Variants in DNASE1L3 observed in about 807,000 individuals in gnomAD.
DNASE1L3 encodes deoxyribonuclease 1L3, also known as deoxyribonuclease gamma.
Under a neutral mutation model 30.9 loss-of-function variants are expected in DNASE1L3, and 27 were observed. The observed-to-expected ratio is 0.87, with a 90% CI of 0.64 to 1.20. The LOEUF (loss-of-function observed/expected upper bound fraction) is 1.20, where lower values mean the gene tolerates loss of function less well. Among genes scored for constraint, DNASE1L3 ranks in the 50% most tolerant of loss-of-function variants. DNASE1L3 has a pLI of 0.00. For synonymous variants in DNASE1L3, 135 were observed against 138.0 expected, an observed-to-expected ratio of 0.98 and a Z score of 0.15; for missense variants, 364 against 378.2, an observed-to-expected ratio of 0.96 and a Z score of 0.31.
chr3:58,201,666 T>C (rs1382375091), intron 4 of DNASE1L3, among the ~76,000 whole-genome samples: 1 of 152,206 alleles, frequency 6.6e-6, no homozygotes, highest in African/African-American at 2.4e-5. Flanking sequence ...TTTCCTTTGT[T>C]CTCCCTTGCC....
rs774518219 is a variant in DNASE1L3, at chr3:58,208,247, G to A, written c.201C>T (p.Ile67=). ...TCAGCTTCTCCATCAGTATGGGGCA[G>A]ATCCTGTTGTTGCTGTCCTTGATTT... is the stretch of plus-strand genomic sequence containing the variant. ...VMEIKDSNNR[I]CPILMEKLNR... The change falls in exon 2 of 8, where the codon ATC becomes ATT. Residue 67 remains isoleucine, a synonymous_variant. Coordinates refer to ENST00000394549, the MANE Select transcript of DNASE1L3 (RefSeq NM_004944.4). 1 of 1,614,212 alleles carries A rather than the reference G, an allele frequency of 6.2e-7. No homozygotes were observed. The highest frequency in any genetic ancestry group is 2.2e-5 in the East Asian group (1 of 44,892).
At chr3:58,196,271 A>G (rs895839645) in intron 6 of DNASE1L3, among the ~76,000 whole-genome samples, 1 of 151,904 alleles carries the variant, frequency 6.6e-6, no homozygotes, top group Non-Finnish European at 1.5e-5. Flanking sequence ...CAGGCCGGGC[A>G]TGGTGGCTCA....
chr3:58,193,332 G>C lies in DNASE1L3; in HGVS notation c.801+11C>G. On this transcript the variant is annotated intron_variant, in intron 7 of 7. Coordinates refer to ENST00000394549, the MANE Select transcript of DNASE1L3 (RefSeq NM_004944.4). Reference sequence around the variant, plus strand: ...GGACAATGGCATAGAAAGACAAGATGGCAACCTTACCTCCTCTTCAGTCAG... The same window carrying C: ...GGACAATGGCATAGAAAGACAAGATCGCAACCTTACCTCCTCTTCAGTCAG... 1 of 1,613,474 alleles carries C rather than the reference G, an allele frequency of 6.2e-7. No homozygotes were observed. Among genetic ancestry groups the C allele is most frequent in the Non-Finnish European group, 8.5e-7 (1 of 1,179,540 alleles).
chr3:58,197,596 G>A lies in DNASE1L3; in HGVS notation c.704+225C>T, dbSNP rs1404374631. Among the ~76,000 whole-genome samples, 4 of 152,196 alleles carry A rather than the reference G, an allele frequency of 2.6e-5. No individual in the cohort carries two copies. The East Asian group carries it at 7.7e-4, about 29-fold the overall frequency. ...GCCTCCTGAGTAGCTGGGAGTATAG[G>A]TGTGTGCCACCATGCCTGGCTAATT... On this transcript the variant is annotated intron_variant, in intron 6 of 7. Transcript: ENST00000394549. The surrounding 1 kb of genome is among the most constrained non-coding windows in gnomAD (Gnocchi z 5.3).
At chr3:58,194,314 C>T (rs1052695461) in intron 6 of DNASE1L3, among the ~76,000 whole-genome samples, 6 of 89,064 alleles carry the variant, frequency 6.7e-5, no homozygotes, top group South Asian at 4.3e-4. Context: ...GCACAACTAA[C>T]TTTTTTTTTT....
intron 7 of DNASE1L3, 184 bp downstream of exon 7, chr3:58,193,159 C>A (rs1559754305): frequency 6.9e-7 from 1 of 1,439,354 alleles, no homozygotes; most frequent in Non-Finnish European, 9.1e-7. Context: ...TCACTGCAAC[C>A]TCCGCTTCCT....
intron 1 of DNASE1L3, among the ~76,000 whole-genome samples, chr3:58,208,881 G>A (rs893510315): frequency 6.6e-6 from 1 of 152,128 alleles, no homozygotes; most frequent in Non-Finnish European, 1.5e-5. Context: ...AGCCAGGATA[G>A]GTGGTAGAGT....
intron 2 of DNASE1L3, among the ~76,000 whole-genome samples, 166 bp from the exon 3 acceptor site, chr3:58,205,726 G>A (rs556788798): frequency 6.6e-6 from 1 of 152,242 alleles, no homozygotes; most frequent in African/African-American, 2.4e-5. Flanking sequence ...TTGATTGGCT[G>A]GAATGTGGCA....
chr3:58,193,075 C>CTTTTTT, intron 7 of DNASE1L3: 8 of 1,272,872 alleles, frequency 6.3e-6, no homozygotes, highest in South Asian at 2.2e-5. Context: ...ATCAACCCAT[C>CTTTTTT]TTTTTTTTTT....
chr3:58,210,623 G>A (rs1467364158), intron 1 of DNASE1L3, 143 bp downstream of exon 1: 9 of 1,259,266 alleles, frequency 7.1e-6, no homozygotes, highest in Middle Eastern at 2.5e-4. Flanking sequence ...GAGGTACAGA[G>A]AGTTGAAGTG....
In DNASE1L3 at chr3:58,197,049, G is replaced by A. The variant is rs2097397880; in HGVS notation, c.704+772C>T. Among the ~76,000 whole-genome samples the A allele has an allele frequency of 6.6e-6, 1 of 152,184 alleles. No individual in the cohort carries two copies. Among genetic ancestry groups the A allele is most frequent in the Non-Finnish European group, 1.5e-5 (1 of 68,044 alleles). On this transcript the variant is annotated intron_variant, in intron 6 of 7. Transcript: ENST00000394549. The surrounding 1 kb of genome is among the most constrained non-coding windows in gnomAD (Gnocchi z 5.3). Reference sequence around the variant, plus strand: ...ACCCAATGCCTAATGATGGGGATTGGGCGCATCAATTGCGGTAAGTCTTTG... The same window carrying A: ...ACCCAATGCCTAATGATGGGGATTGAGCGCATCAATTGCGGTAAGTCTTTG...
In DNASE1L3 at chr3:58,197,602, G is replaced by A. The variant is rs2097398156; in HGVS notation, c.704+219C>T. The stretch of plus-strand genomic sequence containing the variant: ...TGAGTAGCTGGGAGTATAGGTGTGT[G>A]CCACCATGCCTGGCTAATTTTTGTA... On this transcript the variant is annotated intron_variant, in intron 6 of 7. Coordinates refer to ENST00000394549, the MANE Select transcript of DNASE1L3 (RefSeq NM_004944.4). The surrounding 1 kb of genome is among the most constrained non-coding windows in gnomAD (Gnocchi z 5.3). 6.6e-6 allele frequency among the ~76,000 whole-genome samples: 1 copy of A among 152,158 alleles called. No homozygotes were observed. The highest frequency in any genetic ancestry group is 1.5e-5 in the Non-Finnish European group (1 of 68,032).
In DNASE1L3 at chr3:58,192,964, T is replaced by A. The variant is rs1227360906; in HGVS notation, c.802-161A>T. 6.3e-6 allele frequency: 9 copies of A among 1,439,922 alleles called. No homozygotes were observed. Among genetic ancestry groups the A allele is most frequent in the African/African-American group, 1.4e-5 (1 of 69,686 alleles). The allele number at this position is 1,439,922 out of a possible 1,614,324, so 89.2% of individuals were successfully genotyped here. A position where few individuals can be genotyped will look rare whatever the true frequency, so the allele number is the denominator to read the frequency against. ...AAGCGTCATTCCAAGACCAGCTCGA[T>A]CAGAAATTTTGGAGGGGCCTCAAAT... On this transcript the variant is annotated intron_variant, in intron 7 of 7. Coordinates refer to ENST00000394549, the MANE Select transcript of DNASE1L3 (RefSeq NM_004944.4). This position sits in a 1 kb window ranked among gnomAD's most constrained non-coding sequence, Gnocchi z 4.8.
rs373126531 is a variant in DNASE1L3 at position 58,200,989 on chromosome 3, G to A, written c.546+8C>T. On this transcript the variant is annotated splice_region_variant and intron_variant, in intron 5 of 7. Transcript: ENST00000394549. This position sits in a 1 kb window ranked among gnomAD's most constrained non-coding sequence, Gnocchi z 4.2. ...AGATGGGAATTCGTCTGACACAGCA[G>A]TCCTCACCTCCGCCTTCCAGCGGTG... is the stretch of plus-strand genomic sequence containing the variant. 6.8e-6 allele frequency: 11 copies of A among 1,609,666 alleles called. No homozygotes were observed. The African/African-American group carries it at 1.2e-4, about 18-fold the overall frequency.
chr3:58,208,422 T>C (rs1171513482), intron 1 of DNASE1L3, 116 bp from the exon 2 acceptor site: 5 of 1,071,736 alleles, frequency 4.7e-6, no homozygotes, highest in Non-Finnish European at 6.9e-6. Context: ...AAATAATTTC[T>C]TCTCTGAACT....
At position 58,204,771 on chromosome 3, in the gene DNASE1L3, G is replaced by T; in HGVS notation, c.431C>A (p.Thr144Asn). 6.2e-7 allele frequency: 1 copy of T among 1,613,996 alleles called. No homozygotes were observed. The highest frequency in any genetic ancestry group is 8.5e-7 in the Non-Finnish European group (1 of 1,179,866). The part of the protein sequence containing the change: ...PFVVWFQSPH[T>N]AVKDFVIIPL... ...AGAAAGGCCTGTGTGGGTCTTACCA[G>T]TGTGGGGAGATTGGAACCAGACCAC... Residue 144 changes from threonine to asparagine, a missense_variant and splice_region_variant, in exon 4 of 8, where the codon ACT becomes AAT. Transcript: ENST00000394549.
At position 58,192,841 on chromosome 3, in the gene DNASE1L3, A is replaced by C; in HGVS notation, c.802-38T>G. On this transcript the variant is annotated intron_variant, in intron 7 of 7. Coordinates refer to ENST00000394549, the MANE Select transcript of DNASE1L3 (RefSeq NM_004944.4). The surrounding 1 kb of genome is among the most constrained non-coding windows in gnomAD (Gnocchi z 4.8). ...AGGGGAGGTAGACATGGAAATTAGG[A>C]GATGCCTGGGAGATGCTTTCATTTT... 6.2e-7 allele frequency: 1 copy of C among 1,602,694 alleles called. No homozygotes were observed. Among genetic ancestry groups the C allele is most frequent in the Non-Finnish European group, 8.5e-7 (1 of 1,176,702 alleles).
At position 58,205,461 on chromosome 3, in the gene DNASE1L3, T is replaced by C. The variant is rs761672713; in HGVS notation, c.320+10A>G. The C allele has an allele frequency of 6.2e-7, 1 of 1,609,858 alleles. No individual in the cohort carries two copies. Among genetic ancestry groups the C allele is most frequent in the Non-Finnish European group, 8.5e-7 (1 of 1,176,096 alleles). ...GTGGCCATGTTCCAGGGAGCATAGG[T>C]GATACTTACTTGTAGAGAAAGGCAT... On this transcript the variant is annotated intron_variant, in intron 3 of 7. Transcript: ENST00000394549.
intron 4 of DNASE1L3, among the ~76,000 whole-genome samples, chr3:58,202,709 T>C (rs1172209862): frequency 1.3e-5 from 2 of 150,272 alleles, no homozygotes; most frequent in Non-Finnish European, 3.0e-5. Flanking sequence ...CAAAATTAGC[T>C]GGGGGTGGTG....
Sources: allele counts gnomAD v4.1 joint callset (sites outside exome capture counted in the v4.1 genomes callset), GRCh38; gene constraint gnomAD v4.1.1; non-coding constraint Gnocchi (gnomAD v3.1); transcripts MANE v1.5; gene names NCBI Gene and HGNC (gene_info 2026-07-23, HGNC 2026-07-21).